Variants in DMD observed in about 807,000 individuals in gnomAD.
DMD encodes dystrophin.
In DMD, 63 loss-of-function variants were observed where a neutral mutation model predicts 330.1. The ratio of observed to expected loss-of-function variants is 0.19; its 90% CI spans 0.16 to 0.24. DMD has a LOEUF of 0.24. Among genes scored for constraint, DMD ranks in the 10% least tolerant of loss-of-function variants. DMD has a pLI of 1.00. For synonymous variants in DMD, 1,223 were observed against 959.8 expected (o/e 1.27, Z -5.07); for missense variants, 3,344 against 2,684.1 (o/e 1.25, Z -5.43).
chrX:32,674,100 T>C (rs752080981), intron 9 of DMD, among the ~76,000 whole-genome samples: 3 of 112,082 alleles, frequency 2.7e-5, no homozygotes, highest in South Asian at 7.3e-4. Context: ...TAGCAAAATT[T>C]ATAATGAACA....
intron 49 of DMD, among the ~76,000 whole-genome samples, chrX:31,820,739 T>G (rs2092735173): frequency 9.0e-6 from 1 of 111,694 alleles, no homozygotes; most frequent in Non-Finnish European, 1.9e-5. Flanking sequence ...AGGACAAGTT[T>G]GAAGGGCTAC....
intron 25 of DMD, among the ~76,000 whole-genome samples, chrX:32,462,905 A>C (rs2098388577): frequency 9.0e-6 from 1 of 111,378 alleles, no homozygotes; most frequent in South Asian, 3.8e-4. Flanking sequence ...GGCTGCAGTG[A>C]GCCGAGTTCA....
At chrX:32,688,147 C>T (rs2063015481) in intron 9 of DMD, among the ~76,000 whole-genome samples, 1 of 111,155 alleles carries the variant, frequency 9.0e-6, no homozygotes, top group Non-Finnish European at 1.9e-5. Flanking sequence ...AGCTAAATTC[C>T]ATCCAATAAT....
intron 54 of DMD, among the ~76,000 whole-genome samples, chrX:31,645,254 T>A (rs1410419913): frequency 2.7e-5 from 3 of 111,433 alleles, no homozygotes; most frequent in African/African-American, 9.9e-5. Flanking sequence ...CTTCGGTGGA[T>A]TTCTAAAAAA....
intron 32 of DMD, among the ~76,000 whole-genome samples, chrX:32,388,341 C>CTTTTTTTTTT (rs3044988): frequency 4.1e-4 from 32 of 78,540 alleles, no homozygotes; most frequent in African/African-American, 1.5e-3. Context: ...TTATGCTTTC[C>CTTTTTTTTTT]TTTTTTTTTT....
At chrX:31,681,351 G>GCAA (rs1478409512) in intron 52 of DMD, among the ~76,000 whole-genome samples, 2 of 109,320 alleles carry the variant, frequency 1.8e-5, no homozygotes, top group African/African-American at 7.1e-5. Flanking sequence ...CAAGAACCTT[G>GCAA]CAACAGTAGA....
chrX:31,191,698 A>G (rs2042384563), intron 67 of DMD, among the ~76,000 whole-genome samples: 1 of 112,069 alleles, frequency 8.9e-6, no homozygotes, highest in Admixed American at 9.4e-5. Flanking sequence ...TGTTAAGTCC[A>G]ATGACCCTCT....
At chrX:32,207,742 A>G (rs888346563) in intron 44 of DMD, among the ~76,000 whole-genome samples, 1 of 111,924 alleles carries the variant, frequency 8.9e-6, no homozygotes, top group African/African-American at 3.2e-5. Context: ...TATAGCATAT[A>G]TCTTAATCAT....
chrX:33,315,784 T>C lies in DMD; in HGVS notation c.7+23475A>G, dbSNP rs186108172. Among the ~76,000 whole-genome samples, 32 of 111,992 alleles carry C rather than the reference T, an allele frequency of 2.9e-4. 1 individual carries two copies. The East Asian group carries it at 8.5e-3, about 30-fold the overall frequency. ...TTCGCCATATAAGGCAACATATTCA[T>C]AGCTTCCTAAGATTAGAACATGTAT... On this transcript the variant is annotated intron_variant, in intron 1 of 17. Transcript: ENST00000288447.
rs1328391118 is a variant in DMD at position 31,530,995 on chromosome X, G to A, written c.8218-23542C>T. ...CCAATTTCATCCATGTCCCTACAAC[G>A]GACATGAACTCATCATTTTTTATGG... is the stretch of plus-strand genomic sequence containing the variant. On this transcript the variant is annotated intron_variant, in intron 55 of 78. Coordinates refer to ENST00000357033, the MANE Select transcript of DMD (RefSeq NM_004006.3). Among the ~76,000 whole-genome samples the A allele has an allele frequency of 6.3e-5, 6 of 95,681 alleles. 1 individual carries two copies. Among genetic ancestry groups the A allele is most frequent in the African/African-American group, 8.6e-5 (2 of 23,382 alleles). 83.1% of individuals were successfully genotyped at this position (95,681 alleles called of 115,157 possible).
chrX:32,776,249 C>G (rs893055710), intron 7 of DMD, among the ~76,000 whole-genome samples: 2 of 107,456 alleles, frequency 1.9e-5, no homozygotes, highest in African/African-American at 6.8e-5. Context: ...CTGGGAAATT[C>G]CAAACTCTCC....
intron 20 of DMD, among the ~76,000 whole-genome samples, chrX:32,486,425 T>G (rs2042473990): frequency 9.0e-6 from 1 of 111,727 alleles, no homozygotes; most frequent in African/African-American, 3.3e-5. Context: ...TTAAATTACA[T>G]ATGTGGCTTG....
Position 32,813,177 on chromosome X carries a change from G to A in DMD, c.530+3291C>T, listed in dbSNP as rs144066459. Among the ~76,000 whole-genome samples the A allele has an allele frequency of 2.4e-3, 266 of 111,466 alleles. 2 individuals carry two copies. The highest frequency in any genetic ancestry group is 4.7e-3 in the Middle Eastern group (1 of 214). ...AGCATTGAACCAAAAGGCCTTTGAG[G>A]TCACGTCTAGCATTAAAAATGAATT... On this transcript the variant is annotated intron_variant, in intron 6 of 78. Coordinates refer to ENST00000357033, the MANE Select transcript of DMD (RefSeq NM_004006.3).
At chrX:31,259,361 C>A (rs1366078531) in intron 63 of DMD, among the ~76,000 whole-genome samples, 2 of 111,545 alleles carry the variant, frequency 1.8e-5, no homozygotes, top group Non-Finnish European at 3.8e-5. Context: ...GATAGAAAGA[C>A]CAGCTTGCCC....
At chrX:32,569,516 C>A (rs1414498249) in intron 15 of DMD, among the ~76,000 whole-genome samples, 1 of 111,747 alleles carries the variant, frequency 8.9e-6, no homozygotes, top group African/African-American at 3.3e-5. Flanking sequence ...GTTTCTAAAT[C>A]AGTAGGTCTG....
chrX:31,690,773 G>A (rs1010390834), intron 52 of DMD, among the ~76,000 whole-genome samples: 4 of 111,845 alleles, frequency 3.6e-5, no homozygotes, highest in Non-Finnish European at 5.6e-5. Context: ...ATACACCATG[G>A]AATACTATGC....
chrX:32,136,638 C>G (rs1300886219), intron 44 of DMD, among the ~76,000 whole-genome samples: 1 of 112,082 alleles, frequency 8.9e-6, no homozygotes, highest in Non-Finnish European at 1.9e-5. Flanking sequence ...CAGCCTAGTT[C>G]CTTGTTCTGC....
At chrX:31,314,742 C>CAGAGAGAG (rs199994602) in intron 62 of DMD, among the ~76,000 whole-genome samples, 162 of 55,258 alleles carry the variant, frequency 2.9e-3, no homozygotes, top group African/African-American at 6.2e-3. Context: ...AATACATACA[C>CAGAGAGAG]AGAGAGAGAG....
chrX:33,177,849 G>A (rs1193129230), intron 1 of DMD, among the ~76,000 whole-genome samples: 1 of 111,839 alleles, frequency 8.9e-6, no homozygotes, highest in African/African-American at 3.2e-5. Context: ...TTGACAACGG[G>A]AAATATTTTC....
Sources: gnomAD v4.1 joint callset for allele counts (sites outside exome capture counted in the v4.1 genomes callset) on GRCh38, gnomAD v4.1.1 for gene constraint, MANE v1.5 for transcripts, NCBI Gene and HGNC (gene_info 2026-07-23, HGNC 2026-07-21) for gene names.